The following ARSB variants were observed in gnomAD, a reference collection of about 807,000 sequenced individuals.
ARSB encodes the protein N-acetylgalactosamine-4-sulfatase.
Under a neutral mutation model 50.9 loss-of-function variants are expected in ARSB, and 41 were observed. The ratio of observed to expected loss-of-function variants is 0.81; its 90% CI spans 0.63 to 1.04. The LOEUF is 1.04. ARSB is among the 50% of genes least tolerant of loss of function. The pLI is 0.00. For missense variants in ARSB, 672 were observed against 693.3 expected (o/e 0.97, Z 0.35); for synonymous variants, 269 against 284.8 (o/e 0.94, Z 0.56).
chr5:78,816,185 A>G, intron 6 of ARSB: 1 of 1,613,432 alleles, frequency 6.2e-7, no homozygotes. Flanking sequence ...TCAGGACTGC[A>G]TTTCTAGTCC....
Position 78,779,163 on chromosome 5 carries a change from G to T in ARSB, c.*1234C>A, listed in dbSNP as rs576528077. On this transcript the variant is annotated 3_prime_UTR_variant, in exon 8 of 8. Transcript: ENST00000264914. ...ATTTCTCTGGGTTTGACACTCTCTG[G>T]AGCTAATATGGACTGTTCCACATTA... is the stretch of plus-strand genomic sequence containing the variant. 4.6e-5 allele frequency: 7 copies of T among 152,238 alleles called. No homozygotes were observed. The highest frequency in any genetic ancestry group is 8.8e-5 in the Non-Finnish European group (6 of 68,030). 9.4% of individuals were successfully genotyped at this position (152,238 alleles called of 1,614,324 possible). A position where few individuals can be genotyped will look rare whatever the true frequency, so the allele number is the denominator to read the frequency against.
At chr5:78,813,638 T>C (rs2112662129) in intron 6 of ARSB, among the ~76,000 whole-genome samples, 1 of 152,136 alleles carries the variant, frequency 6.6e-6, no homozygotes, top group African/African-American at 2.4e-5. Context: ...ATGCCTGTGG[T>C]CCCAGCTATT....
At chr5:78,967,606 G>A (rs1752259811) in intron 2 of ARSB, among the ~76,000 whole-genome samples, 1 of 151,714 alleles carries the variant, frequency 6.6e-6, no homozygotes, top group South Asian at 2.1e-4. Context: ...CCGGGAGGCG[G>A]AGGTTGCAGT....
At position 78,867,340 on chromosome 5, in the gene ARSB, TC is replaced by T. The variant is rs1746822882; in HGVS notation, c.1142+18243del. On this transcript the variant is annotated intron_variant, in intron 5 of 7. Transcript: ENST00000264914. ...CACAGCTCAAGGAGGCCTGCCTGCC[TC>T]TGTAGGCTCCACCTCTGGGGGCAGG... 2.0e-5 allele frequency among the ~76,000 whole-genome samples: 3 copies of T among 151,060 alleles called. No individual in the cohort carries two copies. The South Asian group carries it at 6.3e-4, about 32-fold the overall frequency.
Position 78,778,443 on chromosome 5 carries a change from T to C in ARSB, c.*1954A>G, listed in dbSNP as rs1331136941. ...CAGATTATTTGTTGCTTTTAGTTTC[T>C]AGTGTCCCATAAAGTATAGAAATGG... On this transcript the variant is annotated 3_prime_UTR_variant, in exon 8 of 8. Transcript: ENST00000264914. The C allele has an allele frequency of 6.6e-6, 1 of 152,242 alleles. No individual in the cohort carries two copies. The highest frequency in any genetic ancestry group is 1.9e-4 in the East Asian group (1 of 5,196). 9.4% of individuals were successfully genotyped at this position (152,242 alleles called of 1,614,324 possible). A position where few individuals can be genotyped will look rare whatever the true frequency, so the allele number is the denominator to read the frequency against.
At chr5:78,975,052 C>T (rs920896895) in intron 1 of ARSB, among the ~76,000 whole-genome samples, 3 of 152,226 alleles carry the variant, frequency 2.0e-5, no homozygotes, top group Non-Finnish European at 4.4e-5. Context: ...ATCCTAGGAG[C>T]GCCCACCTTG....
chr5:78,985,899 A>C (rs1401600967), upstream of ARSB: 1 of 152,326 alleles, frequency 6.6e-6, no homozygotes, highest in Non-Finnish European at 1.5e-5. Context: ...CCAAACACAC[A>C]GTCTGATTGC....
At chr5:78,812,197 T>A (rs539207539) in intron 6 of ARSB, among the ~76,000 whole-genome samples, 90 of 152,262 alleles carry the variant, frequency 5.9e-4, no homozygotes, top group Non-Finnish European at 1.1e-3. Flanking sequence ...AGGTCAGTAT[T>A]TACAGAGCAG....
chr5:78,934,616 C>T (rs912253695), intron 4 of ARSB, among the ~76,000 whole-genome samples: 1 of 151,892 alleles, frequency 6.6e-6, no homozygotes, highest in African/African-American at 2.4e-5. Flanking sequence ...ATGGTGAAAC[C>T]CTGTCTCTAC....
chr5:78,841,184 T>TAATAATAATAATAA (rs1554074368), intron 5 of ARSB, among the ~76,000 whole-genome samples: 1 of 150,690 alleles, frequency 6.6e-6, no homozygotes, highest in Non-Finnish European at 1.5e-5. Flanking sequence ...ATAATAATAA[T>TAATAATAATAATAA]TTGAGCATGG....
intron 3 of ARSB, among the ~76,000 whole-genome samples, chr5:78,956,566 C>T (rs1751736738): frequency 2.6e-5 from 4 of 151,880 alleles, no homozygotes; most frequent in Non-Finnish European, 4.4e-5. Flanking sequence ...AGACACAAGA[C>T]AAAAAATTGA....
At chr5:78,870,751 G>C (rs1205705446) in intron 5 of ARSB, among the ~76,000 whole-genome samples, 6 of 150,040 alleles carry the variant, frequency 4.0e-5, no homozygotes, top group Non-Finnish European at 8.9e-5. Context: ...TTGAAAACTG[G>C]CACAAGACAG....
chr5:78,808,088 G>C (rs1440612318), intron 6 of ARSB, among the ~76,000 whole-genome samples: 2 of 59,252 alleles, frequency 3.4e-5, no homozygotes, highest in Non-Finnish European at 5.3e-5. Context: ...GCGAGACTCC[G>C]TCTCAAAAAA....
intron 4 of ARSB, among the ~76,000 whole-genome samples, chr5:78,923,722 G>T (rs1348702397): frequency 6.6e-6 from 1 of 152,178 alleles, no homozygotes; most frequent in Non-Finnish European, 1.5e-5. Context: ...GACAGCAATT[G>T]GCTATTGAGT....
At chr5:78,859,208 A>G (rs1306588782) in intron 5 of ARSB, among the ~76,000 whole-genome samples, 1 of 152,216 alleles carries the variant, frequency 6.6e-6, no homozygotes, top group Non-Finnish European at 1.5e-5. Flanking sequence ...AGGCACGGAA[A>G]TTAGAAAATG....
Position 78,950,503 on chromosome 5 carries a change from G to A in ARSB, c.898+4792C>T, listed in dbSNP as rs991616574. On this transcript the variant is annotated intron_variant, in intron 4 of 7. Transcript: ENST00000264914. ...GATCACAACTCCCAGAAGACAATAG[G>A]CAGGAAAAGAGAAGGTCTGGCAGTG... Among the ~76,000 whole-genome samples the A allele has an allele frequency of 2.6e-5, 4 of 152,178 alleles. No individual in the cohort carries two copies. In the East Asian group the frequency reaches 7.7e-4, roughly 29 times the overall value.
At chr5:78,903,986 C>G (rs1210351786) in intron 4 of ARSB, among the ~76,000 whole-genome samples, 1 of 152,156 alleles carries the variant, frequency 6.6e-6, no homozygotes, top group African/African-American at 2.4e-5. Flanking sequence ...CTTTGTACCA[C>G]CTCTTTGTAG....
chr5:78,801,535 G>C (rs993100457), intron 6 of ARSB, among the ~76,000 whole-genome samples: 3 of 152,188 alleles, frequency 2.0e-5, no homozygotes, highest in African/African-American at 7.2e-5. Flanking sequence ...TGATGGATTT[G>C]CCACAGGTGC....
chr5:78,943,506 G>A (rs988174950), intron 4 of ARSB, among the ~76,000 whole-genome samples: 25 of 152,188 alleles, frequency 1.6e-4, no homozygotes, highest in Non-Finnish European at 2.5e-4. Flanking sequence ...TTGCTTGTCT[G>A]TAAAGTATTT....
Sources: gnomAD v4.1 joint callset for allele counts (sites outside exome capture counted in the v4.1 genomes callset) on GRCh38, gnomAD v4.1.1 for gene constraint, MANE v1.5 for transcripts, NCBI Gene and HGNC (gene_info 2026-07-23, HGNC 2026-07-21) for gene names.